Variants in RNASET2 observed in about 807,000 individuals in gnomAD.
RNASET2 encodes the protein ribonuclease T2, also known as ribonuclease 6.
A neutral mutation model predicts 33.9 loss-of-function variants in RNASET2; 28 were observed. That is an observed-to-expected ratio of 0.83 (90% confidence interval 0.61 to 1.13). The LOEUF is 1.13. Among genes scored for constraint, RNASET2 ranks in the 50% most tolerant of loss-of-function variants. RNASET2 has a pLI of 0.00. For missense variants in RNASET2, 330 were observed against 319.9 expected (o/e 1.03, Z -0.24); for synonymous variants, 123 against 121.0 (o/e 1.02, Z -0.11).
intron 4 of RNASET2, among the ~76,000 whole-genome samples, chr6:166,944,817 C>T (rs1338332597): frequency 2.6e-5 from 4 of 152,114 alleles, no homozygotes; most frequent in African/African-American, 9.7e-5. Context: ...TGCCCCTTTC[C>T]ACCTGGCTGT....
chr6:166,956,264 A>T lies in RNASET2; in HGVS notation c.-82T>A. The T allele has an allele frequency of 7.6e-7, 1 of 1,317,814 alleles. No homozygotes were observed. The highest frequency in any genetic ancestry group is 1.1e-6 in the Non-Finnish European group (1 of 937,064). The allele number at this position is 1,317,814 out of a possible 1,614,324, so 81.6% of individuals were successfully genotyped here. A position where few individuals can be genotyped will look rare whatever the true frequency, so the allele number is the denominator to read the frequency against. ...CTGCTGCCCGAGGAAGACTTCCGGG[A>T]GAAACGCTGTCTCCGAGCCCCCGCG... is the stretch of plus-strand genomic sequence containing the variant. On this transcript the variant is annotated 5_prime_UTR_variant, in exon 1 of 9. Transcript: ENST00000508775.
At chr6:166,947,983 A>T (rs1778888467) in intron 3 of RNASET2, among the ~76,000 whole-genome samples, 1 of 152,148 alleles carries the variant, frequency 6.6e-6, no homozygotes, top group Non-Finnish European at 1.5e-5. Context: ...ACCCCAAGAG[A>T]AGAACAAAAT....
rs1562489246 is a variant in RNASET2, at chr6:166,922,725, G to A, written c.*6863C>T. The stretch of plus-strand genomic sequence containing the variant: ...TGCTGACTATCTTTTCTCAATTCAG[G>A]TTAAATATTTTCAAAACACCTACTA... On this transcript the variant is annotated 3_prime_UTR_variant, in exon 9 of 9. Coordinates refer to ENST00000508775, the MANE Select transcript of RNASET2 (RefSeq NM_003730.6). Among the ~76,000 whole-genome samples, 1 of 152,246 alleles carries A rather than the reference G, an allele frequency of 6.6e-6. No homozygotes were observed. The highest frequency in any genetic ancestry group is 1.9e-4 in the East Asian group (1 of 5,188).
At chr6:166,936,350 C>CGTGTGTGTGT (rs56962763) in intron 6 of RNASET2, among the ~76,000 whole-genome samples, 56 of 149,488 alleles carry the variant, frequency 3.7e-4, no homozygotes, top group African/African-American at 1.2e-3. Context: ...TTGCATGTGT[C>CGTGTGTGTGT]GTGTGTGTGT....
Position 166,923,939 on chromosome 6 carries a change from C to A in RNASET2, c.*5649G>T, listed in dbSNP as rs1283734609. Among the ~76,000 whole-genome samples the A allele has an allele frequency of 6.6e-6, 1 of 152,184 alleles. No individual in the cohort carries two copies. Among genetic ancestry groups the A allele is most frequent in the East Asian group, 1.9e-4 (1 of 5,202 alleles). On this transcript the variant is annotated 3_prime_UTR_variant, in exon 9 of 9. Coordinates refer to ENST00000508775, the MANE Select transcript of RNASET2 (RefSeq NM_003730.6). ...TGAATTCTGAAAATATTTTACATTA[C>A]AATTCTCAGCTGCCTTAGGACCTGC...
chr6:166,935,025 G>A (rs1300534273), intron 6 of RNASET2: 1 of 152,150 alleles, frequency 6.6e-6, no homozygotes, highest in East Asian at 1.9e-4. Context: ...ATCACAGAGT[G>A]GACACAAAGA....
Position 166,946,739 on chromosome 6 carries a change from C to A in RNASET2, c.204G>T (p.Trp68Cys). 6.4e-7 allele frequency: 1 copy of A among 1,556,852 alleles called. No homozygotes were observed. The highest frequency in any genetic ancestry group is 1.8e-5 in the Admixed American group (1 of 56,182). Residue 68 changes from tryptophan to cysteine, a missense_variant and splice_region_variant, in exon 4 of 9, where the codon TGG (tryptophan) becomes TGT (cysteine). Trp to Cys is a radical substitution (Grantham distance 215, BLOSUM62 -2). Coordinates refer to ENST00000508775, the MANE Select transcript of RNASET2 (RefSeq NM_003730.6). ...TATTACATCCTTCACTTTTATCGGG[C>A]CTGGAAATTCAAATTTAAAAGAGAA... The part of the protein sequence containing the change: ...PPDYWTIHGL[W>C]PDKSEGCNRS...
intron 1 of RNASET2, among the ~76,000 whole-genome samples, chr6:166,955,331 GCACGCACACGCACACGCACGCA>G (rs1263620897): frequency 6.5e-4 from 33 of 50,680 alleles, no homozygotes; most frequent in African/African-American, 2.7e-3. Flanking sequence ...ACACACGCAC[GCACGCACACGCACACGCACGCA>G]CACACACACG....
chr6:166,955,796 T>A, intron 1 of RNASET2: 3 of 978,758 alleles, frequency 3.1e-6, no homozygotes, highest in Non-Finnish European at 3.6e-6. Context: ...ACCCACTCCT[T>A]CCCAGAGGTC....
intron 1 of RNASET2, 97 bp downstream of exon 1, chr6:166,956,000 C>T: frequency 7.7e-7 from 1 of 1,294,390 alleles, no homozygotes; most frequent in Non-Finnish European, 1.1e-6. Context: ...GCCCGGGGCT[C>T]AGCGACCGCC....
chr6:166,948,729 A>G, intron 2 of RNASET2, 104 bp from the exon 3 acceptor site: 1 of 775,042 alleles, frequency 1.3e-6, no homozygotes, highest in Non-Finnish European at 2.3e-6. Context: ...ACATATGCCA[A>G]CGAGATACAG....
chr6:166,956,519 T>C lies in RNASET2; in HGVS notation c.-337A>G, dbSNP rs369109347. 3.6e-5 allele frequency: 13 copies of C among 364,970 alleles called. No homozygotes were observed. Among genetic ancestry groups the C allele is most frequent in the African/African-American group, 1.1e-4 (5 of 44,924 alleles). 22.6% of individuals were successfully genotyped at this position (364,970 alleles called of 1,614,324 possible). ...CAGCTCCTCCACGCTGCAGCCGCCG[T>C]CCGCCCACGACCACGGTCAGTCGCG... On this transcript the variant is annotated 5_prime_UTR_variant, in exon 1 of 9. Coordinates refer to ENST00000508775, the MANE Select transcript of RNASET2 (RefSeq NM_003730.6).
intron 2 of RNASET2, 68 bp from the exon 3 acceptor site, chr6:166,948,693 T>C: frequency 1.1e-6 from 1 of 950,828 alleles, no homozygotes; most frequent in Non-Finnish European, 1.7e-6. Context: ...GGAACCCTAT[T>C]AAAATACATT....
chr6:166,939,095 AGGC>A, intron 5 of RNASET2, 87 bp from the exon 6 acceptor site: 2 of 949,916 alleles, frequency 2.1e-6, no homozygotes, highest in South Asian at 1.3e-5. Flanking sequence ...ACACTTTGGG[AGGC>A]TGAAGGGGGT....
In RNASET2 at chr6:166,924,258, G is replaced by A. The variant is rs1379975720; in HGVS notation, c.*5330C>T. 6.6e-6 allele frequency among the ~76,000 whole-genome samples: 1 copy of A among 152,086 alleles called. No individual in the cohort carries two copies. Among genetic ancestry groups the A allele is most frequent in the Non-Finnish European group, 1.5e-5 (1 of 68,018 alleles). On this transcript the variant is annotated 3_prime_UTR_variant, in exon 9 of 9. Coordinates refer to ENST00000508775, the MANE Select transcript of RNASET2 (RefSeq NM_003730.6). Reference sequence around the variant, plus strand: ...TGGGACTACAGGTGCCCGCCACCATGCCCGGCCAATTTTTGTATTTTTAGT... The same window carrying A: ...TGGGACTACAGGTGCCCGCCACCATACCCGGCCAATTTTTGTATTTTTAGT...
In RNASET2 at chr6:166,955,954, G is replaced by T. The variant is rs185405155; in HGVS notation, c.86+143C>A. 240 of 1,087,046 alleles carry T rather than the reference G, an allele frequency of 2.2e-4. 1 individual carries two copies. In the African/African-American group the frequency reaches 3.3e-3, roughly 15 times the overall value. The allele number at this position is 1,087,046 out of a possible 1,614,324, so 67.3% of individuals were successfully genotyped here. On this transcript the variant is annotated intron_variant, in intron 1 of 8. Coordinates refer to ENST00000508775, the MANE Select transcript of RNASET2 (RefSeq NM_003730.6). ...CAACTTCTTCCCAGGGGTCACCCCG[G>T]AGCGTGCTCGGCTCCCCCCGCCCTC...
intron 8 of RNASET2, among the ~76,000 whole-genome samples, 153 bp downstream of exon 8, chr6:166,930,891 C>T (rs1022541022): frequency 6.6e-6 from 1 of 151,730 alleles, no homozygotes; most frequent in South Asian, 2.1e-4. Flanking sequence ...TGTACACACA[C>T]ACATGCACAC....
chr6:166,946,137 G>T (rs1031550142), intron 4 of RNASET2, among the ~76,000 whole-genome samples: 3 of 152,220 alleles, frequency 2.0e-5, no homozygotes, highest in Non-Finnish European at 4.4e-5. Context: ...GCCTCTGCTA[G>T]TATCTCTAAT....
rs1253484464 is a variant in RNASET2 at position 166,955,245 on chromosome 6, ACACG to A, written c.86+848_86+851del. Among the ~76,000 whole-genome samples the A allele has an allele frequency of 2.8e-3, 269 of 94,916 alleles. 12 individuals are homozygous for A. Among genetic ancestry groups the A allele is most frequent in the African/African-American group, 0.012 (227 of 19,738 alleles). 62.3% of individuals were successfully genotyped at this position (94,916 alleles called of 152,430 possible). Reference sequence around the variant, plus strand: ...CGCGCACACACGCACGCACGCACACACACGCACACACGCACACACACACACGCGC... The same window carrying A: ...CGCGCACACACGCACGCACGCACACACACACACGCACACACACACACGCGC... On this transcript the variant is annotated intron_variant, in intron 1 of 8. Transcript: ENST00000508775.
Sources: allele counts gnomAD v4.1 joint callset (sites outside exome capture counted in the v4.1 genomes callset), GRCh38; gene constraint gnomAD v4.1.1; transcripts MANE v1.5; gene names NCBI Gene and HGNC (gene_info 2026-07-23, HGNC 2026-07-21).